The following KIF13B variants were observed in gnomAD, a reference collection of about 807,000 sequenced individuals.
KIF13B encodes the protein kinesin-like protein KIF13B.
KIF13B carries 127 observed loss-of-function variants against 222.0 expected under a neutral mutation model. The observed-to-expected ratio is 0.57, with a 90% CI of 0.50 to 0.66. The LOEUF (loss-of-function observed/expected upper bound fraction) is 0.66, where lower values mean the gene tolerates loss of function less well. Ranked by LOEUF, KIF13B falls within the 30% of genes least tolerant of loss-of-function variation. The pLI is 0.00. For missense variants in KIF13B, 2,173 were observed against 2,379.0 expected, an observed-to-expected ratio of 0.91 and a Z score of 1.80; for synonymous variants, 976 against 919.0, an observed-to-expected ratio of 1.06 and a Z score of -1.12.
At chr8:29,091,678 G>A (rs1041587336) in intron 37 of KIF13B, among the ~76,000 whole-genome samples, 6 of 152,184 alleles carry the variant, frequency 3.9e-5, no homozygotes, top group Non-Finnish European at 8.8e-5. Flanking sequence ...TTCAGTTCTG[G>A]TGGATCTCTG....
intron 10 of KIF13B, among the ~76,000 whole-genome samples, chr8:29,173,835 T>C (rs556522455): frequency 1.3e-3 from 191 of 150,774 alleles, no homozygotes; most frequent in African/African-American, 4.2e-3. Context: ...TCCCAGCTAC[T>C]CGGGAGGCTG....
chr8:29,237,148 C>G (rs1162287157), intron 2 of KIF13B, among the ~76,000 whole-genome samples: 1 of 152,080 alleles, frequency 6.6e-6, no homozygotes, highest in Admixed American at 6.6e-5. Flanking sequence ...TCAAGGAATA[C>G]TGCTCCCTCC....
intron 2 of KIF13B, among the ~76,000 whole-genome samples, chr8:29,231,179 C>T (rs146566575): frequency 9.6e-4 from 146 of 152,248 alleles, no homozygotes; most frequent in African/African-American, 3.3e-3. Flanking sequence ...CACGCCCGGA[C>T]GTGTGACTTA....
chr8:29,243,908 A>T (rs1352674757), intron 2 of KIF13B, among the ~76,000 whole-genome samples: 1 of 152,244 alleles, frequency 6.6e-6, no homozygotes, highest in Non-Finnish European at 1.5e-5. Context: ...TTGTGGGAAA[A>T]AACTTTTGTG....
At chr8:29,246,762 G>A (rs933004335) in intron 1 of KIF13B, among the ~76,000 whole-genome samples, 4 of 152,244 alleles carry the variant, frequency 2.6e-5, no homozygotes, top group South Asian at 2.1e-4. Flanking sequence ...TATATAAATC[G>A]ATGGAATAGA....
chr8:29,137,523 G>A (rs1271203392), intron 21 of KIF13B, among the ~76,000 whole-genome samples: 1 of 152,182 alleles, frequency 6.6e-6, no homozygotes, highest in Admixed American at 6.5e-5. Context: ...GTTAATATGT[G>A]CATATAGCCT....
At chr8:29,091,457 G>T (rs1808297416) in intron 37 of KIF13B, among the ~76,000 whole-genome samples, 1 of 152,184 alleles carries the variant, frequency 6.6e-6, no homozygotes, top group Non-Finnish European at 1.5e-5. Context: ...CTGGATAGCA[G>T]ACTTCACTGA....
At chr8:29,141,198 G>A (rs1397170776) in intron 19 of KIF13B, among the ~76,000 whole-genome samples, 1 of 152,170 alleles carries the variant, frequency 6.6e-6, no homozygotes, top group African/African-American at 2.4e-5. Flanking sequence ...GCCAGGTGTG[G>A]TGGTGGGCGC....
At chr8:29,178,052 GAC>G (rs1208991865) in intron 8 of KIF13B, among the ~76,000 whole-genome samples, 6 of 152,146 alleles carry the variant, frequency 3.9e-5, no homozygotes, top group African/African-American at 1.4e-4. Flanking sequence ...TAACGGTGGA[GAC>G]ACAGAAAATT....
At chr8:29,156,899 G>A (rs749756598) in intron 13 of KIF13B, among the ~76,000 whole-genome samples, 1 of 151,916 alleles carries the variant, frequency 6.6e-6, no homozygotes, top group Admixed American at 6.6e-5. Flanking sequence ...TGGAATAAGC[G>A]CCAAAGCTAA....
intron 1 of KIF13B, among the ~76,000 whole-genome samples, chr8:29,249,045 AT>A (rs1816164377): frequency 6.6e-6 from 1 of 151,986 alleles, no homozygotes; most frequent in African/African-American, 2.4e-5. Context: ...AGTAAAGACC[AT>A]GGCTTGTTTA....
intron 2 of KIF13B, among the ~76,000 whole-genome samples, chr8:29,210,323 C>T (rs936310224): frequency 5.3e-5 from 8 of 152,158 alleles, no homozygotes; most frequent in Non-Finnish European, 7.3e-5. Context: ...CCCTACAGAT[C>T]TACTCACCAG....
chr8:29,116,942 G>C lies in KIF13B; in HGVS notation c.3726C>G (p.Pro1242=), dbSNP rs747498107. ...HGCPQLSRGT[P]VDERLFLIVR... ...CGATCAGGAACAACCGCTCGTCCAC[G>C]GGCGTGCCCCTGCTGAGCTGAGGGC... The change falls in exon 31 of 40, where the codon CCC becomes CCG. Residue 1242 remains proline, a synonymous_variant. Coordinates refer to ENST00000524189, the MANE Select transcript of KIF13B (RefSeq NM_015254.4). 3 of 1,612,412 alleles carry C rather than the reference G, an allele frequency of 1.9e-6. 1 individual carries two copies. Among genetic ancestry groups the C allele is most frequent in the Admixed American group, 3.3e-5 (2 of 59,954 alleles).
chr8:29,263,286 C>T (rs545154096), upstream of KIF13B, among the ~76,000 whole-genome samples: 9 of 152,374 alleles, frequency 5.9e-5, no homozygotes, highest in South Asian at 1.9e-3. Context: ...TACAACTTAC[C>T]TACAGCAATG....
At chr8:29,081,057 G>A (rs913534131) in intron 37 of KIF13B, among the ~76,000 whole-genome samples, 4 of 152,172 alleles carry the variant, frequency 2.6e-5, no homozygotes, top group Non-Finnish European at 4.4e-5. Flanking sequence ...ACAGGGAAAC[G>A]CTGGCAGGTC....
At chr8:29,129,375 G>A (rs1810249597) in intron 24 of KIF13B, among the ~76,000 whole-genome samples, 1 of 152,156 alleles carries the variant, frequency 6.6e-6, no homozygotes, top group Non-Finnish European at 1.5e-5. Flanking sequence ...TATTTTATGT[G>A]TACAACACAT....
chr8:29,105,028 G>A (rs1808987744), intron 35 of KIF13B, among the ~76,000 whole-genome samples: 1 of 151,610 alleles, frequency 6.6e-6, no homozygotes, highest in Admixed American at 6.6e-5. Context: ...GTGCAATGGT[G>A]CAATCATAGT....
At chr8:29,216,782 C>A (rs1441850642) in intron 2 of KIF13B, among the ~76,000 whole-genome samples, 1 of 152,066 alleles carries the variant, frequency 6.6e-6, no homozygotes, top group African/African-American at 2.4e-5. Context: ...CCCTTGCCTT[C>A]AAATAAAGTG....
chr8:29,157,684 G>A (rs1447586417), intron 13 of KIF13B, among the ~76,000 whole-genome samples: 3 of 151,836 alleles, frequency 2.0e-5, no homozygotes, highest in African/African-American at 4.8e-5. Context: ...CAGCCTGGGC[G>A]AAAGAGCAAG....
Sources: gnomAD v4.1 joint callset for allele counts (sites outside exome capture counted in the v4.1 genomes callset) on GRCh38, gnomAD v4.1.1 for gene constraint, MANE v1.5 for transcripts, NCBI Gene and HGNC (gene_info 2026-07-23, HGNC 2026-07-21) for gene names.